The following NFU1 variants were observed in gnomAD, a reference collection of about 807,000 sequenced individuals.
NFU1 encodes NFU1 iron-sulfur cluster scaffold homolog, mitochondrial.
Under a neutral mutation model 32.2 loss-of-function variants are expected in NFU1, and 30 were observed. That is an observed-to-expected ratio of 0.93 (90% CI 0.70 to 1.26). NFU1 has a LOEUF of 1.26. NFU1 is among the 50% of genes most tolerant of loss of function. NFU1 has a pLI of 0.00. For missense variants in NFU1, 306 were observed against 306.6 expected (o/e 1.00, Z 0.02); for synonymous variants, 112 against 104.6 (o/e 1.07, Z -0.43).
Position 69,406,034 on chromosome 2 carries a change from T to C in NFU1, c.533A>G (p.Asp178Gly), listed in dbSNP as rs1232501532. 1 of 1,599,378 alleles carries C rather than the reference T, an allele frequency of 6.3e-7. No individual in the cohort carries two copies. The highest frequency in any genetic ancestry group is 2.2e-5 in the East Asian group (1 of 44,698). The change falls in exon 6 of 8, where the codon GAT becomes GGT. Residue 178 changes from aspartate (D) to glycine (G), a missense_variant. By Grantham distance (94) the Asp-to-Gly change is moderately conservative. Transcript: ENST00000410022. ...GAGGAGCACGTACCGTATTCTAGTA[T>C]CTAACAATTCCTTAATCATTGCCAC... The part of the protein sequence containing the change: ...EVVAMIKELL[D>G]TRIRPTVQED...
At chr2:69,434,107 CAT>C (rs1353571898) in intron 1 of NFU1, among the ~76,000 whole-genome samples, 1 of 148,654 alleles carries the variant, frequency 6.7e-6, no homozygotes, top group Non-Finnish European at 1.5e-5. Flanking sequence ...TGGATGGAAA[CAT>C]ATTAACCCAG....
At chr2:69,408,222 ATACT>A (rs1672762875) in intron 5 of NFU1, among the ~76,000 whole-genome samples, 1 of 152,148 alleles carries the variant, frequency 6.6e-6, no homozygotes, top group Non-Finnish European at 1.5e-5. Flanking sequence ...CATACCATAC[ATACT>A]ATTCTATATC....
At chr2:69,411,731 T>C (rs994224297) in intron 5 of NFU1, among the ~76,000 whole-genome samples, 3 of 152,210 alleles carry the variant, frequency 2.0e-5, no homozygotes, top group Admixed American at 1.3e-4. Flanking sequence ...TAGGTGGGAC[T>C]ACATGCACGC....
chr2:69,396,255 G>A lies in NFU1; in HGVS notation c.756C>T (p.Asn252=). 2 of 1,611,094 alleles carry A rather than the reference G, an allele frequency of 1.2e-6. No individual in the cohort carries two copies. The highest frequency in any genetic ancestry group is 1.7e-6 in the Non-Finnish European group (2 of 1,177,902). The change falls in exon 8 of 8, where the codon AAC becomes AAT. Residue 252 remains asparagine (N), a synonymous_variant. Coordinates refer to ENST00000410022, the MANE Select transcript of NFU1 (RefSeq NM_001002755.4). ...MDDESDEKEA[N]SP is the part of the protein sequence containing the mutation. ...GAAAATCCAGATTATTTTAAGGTGA[G>A]TTTGCTTCTTTTTCATCTGATTCAT...
intron 7 of NFU1, chr2:69,399,464 C>A: frequency 2.4e-6 from 1 of 423,804 alleles, no homozygotes; most frequent in South Asian, 1.7e-5. Flanking sequence ...TAACAACAAA[C>A]TATGATTTCT....
intron 5 of NFU1, 122 bp from the exon 6 acceptor site, chr2:69,406,204 C>A: frequency 1.5e-6 from 1 of 653,444 alleles, no homozygotes. Context: ...ATAGAAAGAA[C>A]ATGTAACTTG....
chr2:69,424,986 C>A (rs190068962), intron 2 of NFU1, among the ~76,000 whole-genome samples: 1 of 151,010 alleles, frequency 6.6e-6, no homozygotes, highest in Admixed American at 6.6e-5. Context: ...ATGCCATTCT[C>A]CTGCCTCAGC....
chr2:69,421,735 T>G (rs972163739), intron 3 of NFU1, among the ~76,000 whole-genome samples: 7 of 151,868 alleles, frequency 4.6e-5, no homozygotes, highest in African/African-American at 1.7e-4. Flanking sequence ...ATCCGGCTAA[T>G]TTTTTGTATT....
At chr2:69,434,665 C>T (rs1203495243) in intron 1 of NFU1, among the ~76,000 whole-genome samples, 1 of 152,148 alleles carries the variant, frequency 6.6e-6, no homozygotes, top group Non-Finnish European at 1.5e-5. Context: ...TCATAGGAGC[C>T]ATAGAAAAAT....
intron 4 of NFU1, among the ~76,000 whole-genome samples, chr2:69,415,741 C>T (rs1391914016): frequency 2.0e-5 from 3 of 152,042 alleles, no homozygotes; most frequent in South Asian, 2.1e-4. Context: ...TTTGAGAGGT[C>T]GAAGCCTGAC....
At chr2:69,426,798 G>A (rs1404446132) in intron 2 of NFU1, among the ~76,000 whole-genome samples, 1 of 152,014 alleles carries the variant, frequency 6.6e-6, no homozygotes, top group Non-Finnish European at 1.5e-5. Flanking sequence ...GAAGGGGGCA[G>A]TGGCTCACGC....
At chr2:69,416,708 G>A (rs1432705707) in intron 4 of NFU1, among the ~76,000 whole-genome samples, 1 of 152,118 alleles carries the variant, frequency 6.6e-6, no homozygotes, top group African/African-American at 2.4e-5. Flanking sequence ...AGACCAGCCT[G>A]GCCAACATGG....
At chr2:69,429,222 T>C (rs59129812) in intron 2 of NFU1, among the ~76,000 whole-genome samples, 20,280 of 152,184 alleles carry the variant, frequency 0.13, 1,546 homozygotes, top group Non-Finnish European at 0.17. Context: ...TAATAATTTA[T>C]TGCTAACCAA....
intron 6 of NFU1, among the ~76,000 whole-genome samples, chr2:69,402,441 G>T (rs1193546017): frequency 6.6e-6 from 1 of 152,094 alleles, no homozygotes; most frequent in African/African-American, 2.4e-5. Context: ...AGCCTCCCCT[G>T]CCTCAGCCTT....
At chr2:69,428,832 A>G (rs1673548052) in intron 2 of NFU1, among the ~76,000 whole-genome samples, 2 of 152,226 alleles carry the variant, frequency 1.3e-5, no homozygotes, top group Non-Finnish European at 2.9e-5. Context: ...GGTTGGTACA[A>G]AAATGCTTTT....
intron 1 of NFU1, among the ~76,000 whole-genome samples, chr2:69,436,475 A>G (rs1673840997): frequency 6.6e-6 from 1 of 152,242 alleles, no homozygotes; most frequent in Non-Finnish European, 1.5e-5. Flanking sequence ...AGCAGAATGA[A>G]TAAAGAGGAA....
intron 1 of NFU1, among the ~76,000 whole-genome samples, chr2:69,433,514 C>T (rs181882339): frequency 4.0e-5 from 6 of 151,254 alleles, no homozygotes; most frequent in East Asian, 2.0e-4. Context: ...CTCACTTTGT[C>T]GCCCACGCTG....
At position 69,423,156 on chromosome 2, in the gene NFU1, GTGTGTGTGTGTA is replaced by G. The variant is rs1205300403; in HGVS notation, c.302+414_302+425del. ...CACACTCAGCTAAATTTGTGTGTGTGTGTGTGTGTGTATGTGTGTGTGTGTGTGGTGAGATGG... is the reference window on the plus strand; with the variant it reads ...CACACTCAGCTAAATTTGTGTGTGTGTGTGTGTGTGTGTGTGGTGAGATGG... On this transcript the variant is annotated intron_variant, in intron 3 of 7. Coordinates refer to ENST00000410022, the MANE Select transcript of NFU1 (RefSeq NM_001002755.4). Among the ~76,000 whole-genome samples, 2 of 100,154 alleles carry G rather than the reference GTGTGTGTGTGTA, an allele frequency of 2.0e-5. 1 individual carries two copies. The highest frequency in any genetic ancestry group is 4.3e-5 in the Non-Finnish European group (2 of 46,158). The allele number at this position is 100,154 out of a possible 152,430, so 65.7% of individuals were successfully genotyped here.
chr2:69,406,141 G>T, intron 5 of NFU1, 59 bp from the exon 6 acceptor site: 1 of 976,692 alleles, frequency 1.0e-6, no homozygotes, highest in South Asian at 1.3e-5. Flanking sequence ...ATGCAAGTAC[G>T]AGTATTAAAA....
Sources: gnomAD v4.1 joint callset for allele counts (sites outside exome capture counted in the v4.1 genomes callset) on GRCh38, gnomAD v4.1.1 for gene constraint, MANE v1.5 for transcripts, NCBI Gene and HGNC (gene_info 2026-07-23, HGNC 2026-07-21) for gene names.